Variants in ADGRE1 observed in about 807,000 individuals in gnomAD.
The protein encoded by ADGRE1 is adhesion G protein-coupled receptor E1, also known as EGF-like module receptor 1.
Under a neutral mutation model 102.7 loss-of-function variants are expected in ADGRE1, and 82 were observed. The observed-to-expected ratio is 0.80, with a 90% CI of 0.67 to 0.96. The LOEUF (loss-of-function observed/expected upper bound fraction) is 0.96. Ranked by LOEUF, ADGRE1 falls within the 40% of genes least tolerant of loss-of-function variation. The probability of loss-of-function intolerance (pLI) is 0.00; values close to 1 mark genes in which losing one functional copy is unlikely to be tolerated. For missense variants in ADGRE1, 1,032 were observed against 1,085.3 expected (o/e 0.95, Z 0.69); for synonymous variants, 398 against 399.6 (o/e 1.00, Z 0.05).
At chr19:6,921,686 G>GT (rs3217675) in intron 13 of ADGRE1, 27 bp from the exon 14 acceptor site, 305,594 of 1,536,452 alleles carry the variant, frequency 0.2, 30,771 homozygotes, top group African/African-American at 0.27. Flanking sequence ...GAAGACCTTT[G>GT]TTTTTTTGTT....
At position 6,890,521 on chromosome 19, in the gene ADGRE1, C is replaced by T. The variant is rs997810578; in HGVS notation, c.72C>T (p.Pro24=). The change falls in exon 2 of 21, where the codon CCC becomes CCT. Residue 24 remains proline (P), a synonymous_variant. Coordinates refer to ENST00000312053, the MANE Select transcript of ADGRE1 (RefSeq NM_001974.5). Reference sequence around the variant, plus strand: ...ACAGCTGGGAAGGGCACATAAGACCCACACGGAAACCAAACACAAAGGGTA... The same window carrying T: ...ACAGCTGGGAAGGGCACATAAGACCTACACGGAAACCAAACACAAAGGGTA... ...VMHSWEGHIR[P]TRKPNTKGNN... 1.9e-6 allele frequency: 3 copies of T among 1,612,094 alleles called. No homozygotes were observed. The highest frequency in any genetic ancestry group is 1.7e-4 in the Middle Eastern group (1 of 6,054).
intron 1 of ADGRE1, among the ~76,000 whole-genome samples, chr19:6,888,159 G>A (rs970403313): frequency 6.6e-6 from 1 of 152,196 alleles, no homozygotes; most frequent in Non-Finnish European, 1.5e-5. Context: ...GGTAGAGGCA[G>A]GATTTCAAGC....
intron 9 of ADGRE1, among the ~76,000 whole-genome samples, chr19:6,906,821 C>T (rs575175803): frequency 2.4e-4 from 37 of 151,888 alleles, no homozygotes; most frequent in African/African-American, 7.9e-4. Context: ...GTGAAAAGTA[C>T]GGTCCTTCTC....
At chr19:6,932,869 C>T (rs1975222558) in intron 17 of ADGRE1, among the ~76,000 whole-genome samples, 3 of 152,142 alleles carry the variant, frequency 2.0e-5, no homozygotes, top group East Asian at 3.8e-4. Flanking sequence ...TAGTACAATG[C>T]CAGGCATTGC....
intron 13 of ADGRE1, among the ~76,000 whole-genome samples, chr19:6,920,345 G>A (rs1200630398): frequency 1.3e-5 from 2 of 151,396 alleles, no homozygotes; most frequent in Non-Finnish European, 2.9e-5. Flanking sequence ...TCAGCCTCCC[G>A]AGTAGCTGGG....
intron 5 of ADGRE1, 191 bp downstream of exon 5, chr19:6,897,738 G>A: frequency 2.0e-6 from 1 of 488,558 alleles, no homozygotes; most frequent in Admixed American, 4.3e-5. Context: ...TTACATGCTA[G>A]GTAGGTCTCT....
intron 11 of ADGRE1, among the ~76,000 whole-genome samples, chr19:6,914,818 GTAA>G (rs1974316477): frequency 6.6e-6 from 1 of 152,118 alleles, no homozygotes; most frequent in South Asian, 2.1e-4. Flanking sequence ...CAAGATCAGA[GTAA>G]GTCTCATTGG....
rs1173852914 is a variant in ADGRE1, at chr19:6,924,852, A to T, written c.1966A>T (p.Ile656Leu). The T allele has an allele frequency of 6.9e-5, 111 of 1,613,952 alleles. No individual in the cohort carries two copies. The highest frequency in any genetic ancestry group is 9.2e-5 in the Non-Finnish European group (108 of 1,180,018). Residue 656 changes from isoleucine to leucine, a missense_variant, in exon 15 of 21, where the codon ATA (isoleucine) becomes TTA (leucine). Coordinates refer to ENST00000312053, the MANE Select transcript of ADGRE1 (RefSeq NM_001974.5). ...LLAKTLFLAG[I>L]HKTDNKMGCA... ...GGCGAAGACTCTCTTCCTCGCCGGT[A>T]TACACAAGACTGACAACAAGGTCTA...
chr19:6,938,735 GA>G lies in ADGRE1; in HGVS notation c.2655+1089del, dbSNP rs957059123. ...CAGGATCTCAGTGTTAAGCCTTGCA[GA>G]AGTCCAGTGAGGTAGGTATCACTGC... On this transcript the variant is annotated intron_variant, in intron 20 of 20. Transcript: ENST00000312053. Among the ~76,000 whole-genome samples the G allele has an allele frequency of 2.0e-5, 3 of 151,400 alleles. No homozygotes were observed. The Admixed American group carries it at 2.0e-4, about 10-fold the overall frequency.
chr19:6,927,046 C>T (rs190582593), intron 16 of ADGRE1, among the ~76,000 whole-genome samples: 4 of 145,440 alleles, frequency 2.8e-5, no homozygotes, highest in East Asian at 2.0e-4. Flanking sequence ...GGGACAAGAG[C>T]GAGACTTCAT....
In ADGRE1 at chr19:6,916,241, C is replaced by CT. The variant is rs1974376315; in HGVS notation, c.1301-3dup. The stretch of plus-strand genomic sequence containing the variant: ...GACCTCATACGAACTCTCCCTTTCT[C>CT]TTTTTAGACATTGAGAGCAAAGTTA... On this transcript the variant is annotated splice_region_variant and splice_polypyrimidine_tract_variant and intron_variant, in intron 11 of 20. Coordinates refer to ENST00000312053, the MANE Select transcript of ADGRE1 (RefSeq NM_001974.5). The CT allele has an allele frequency of 6.2e-7, 1 of 1,609,628 alleles. No individual in the cohort carries two copies. Among genetic ancestry groups the CT allele is most frequent in the Admixed American group, 1.7e-5 (1 of 59,554 alleles).
chr19:6,887,644 G>T lies in ADGRE1; in HGVS notation c.31+5G>T, dbSNP rs1366285132. 1 of 1,609,744 alleles carries T rather than the reference G, an allele frequency of 6.2e-7. No individual in the cohort carries two copies. Among genetic ancestry groups the T allele is most frequent in the Admixed American group, 1.7e-5 (1 of 59,198 alleles). On this transcript the variant is annotated splice_donor_5th_base_variant and intron_variant, in intron 1 of 20. Coordinates refer to ENST00000312053, the MANE Select transcript of ADGRE1 (RefSeq NM_001974.5). ...TCAACCTGCTCCTCTTCTGGGGTGA[G>T]TGTGAGGCTGAATGGGGGGCTAGGG... is the stretch of plus-strand genomic sequence containing the variant.
chr19:6,915,492 G>A (rs1974339138), intron 11 of ADGRE1, among the ~76,000 whole-genome samples: 1 of 152,174 alleles, frequency 6.6e-6, no homozygotes, highest in East Asian at 1.9e-4. Flanking sequence ...GAGAGGTTAA[G>A]TCAATGCGCA....
chr19:6,940,033 C>T lies in ADGRE1; in HGVS notation c.*4C>T, dbSNP rs752806916. 43 of 1,613,698 alleles carry T rather than the reference C, an allele frequency of 2.7e-5. No homozygotes were observed. The South Asian group carries it at 4.2e-4, about 16-fold the overall frequency. On this transcript the variant is annotated 3_prime_UTR_variant, in exon 21 of 21. Transcript: ENST00000312053. ...CTTTTCTCTCTCACAGGGTTAAAGT[C>T]CTTTCTTGCTTTCAAATATGCTATG...
chr19:6,913,812 G>A lies in ADGRE1; in HGVS notation c.1282G>A (p.Val428Ile). The A allele has an allele frequency of 6.3e-7, 1 of 1,599,682 alleles. No homozygotes were observed. The highest frequency in any genetic ancestry group is 8.5e-7 in the Non-Finnish European group (1 of 1,171,946). The change falls in exon 11 of 21, where the codon GTT becomes ATT. Residue 428 changes from valine (V) to isoleucine (I), a missense_variant. Physicochemically the swap from Val to Ile is conservative, Grantham distance 29. Coordinates refer to ENST00000312053, the MANE Select transcript of ADGRE1 (RefSeq NM_001974.5). ...ACCCTCAGCAAATATCACTCCGGCT[G>A]TTCGGACGGAATACTTAGGTAGGAG... The part of the protein sequence containing the change: ...WKPSANITPA[V>I]RTEYLDIESK...
At chr19:6,916,131 A>G in intron 11 of ADGRE1, 118 bp from the exon 12 acceptor site, 1 of 1,154,154 alleles carries the variant, frequency 8.7e-7, no homozygotes, top group Non-Finnish European at 1.2e-6. Context: ...GATGAATTGA[A>G]CTTTCTATTC....
chr19:6,920,962 T>C (rs1051323925), intron 13 of ADGRE1, among the ~76,000 whole-genome samples: 1 of 152,140 alleles, frequency 6.6e-6, no homozygotes, highest in African/African-American at 2.4e-5. Flanking sequence ...ACAGCACAGA[T>C]CAAGGCATGT....
Position 6,908,064 on chromosome 19 carries a change from C to T in ADGRE1, c.1039-625C>T, listed in dbSNP as rs533918179. On this transcript the variant is annotated intron_variant, in intron 9 of 20. Coordinates refer to ENST00000312053, the MANE Select transcript of ADGRE1 (RefSeq NM_001974.5). ...CCACACTGGAAGGTTGTGGGTTTAC[C>T]GGAATGAGGGCAAGGAACACCTGCC... Among the ~76,000 whole-genome samples, 23 of 152,316 alleles carry T rather than the reference C, an allele frequency of 1.5e-4. No individual in the cohort carries two copies. In the South Asian group the frequency reaches 1.9e-3, roughly 12 times the overall value.
At position 6,890,448 on chromosome 19, in the gene ADGRE1, G is replaced by A. The variant is rs759127691; in HGVS notation, c.32-33G>A. The A allele has an allele frequency of 9.7e-5, 77 of 791,684 alleles. 2 individuals carry two copies. In the South Asian group the frequency reaches 1.8e-3, roughly 19 times the overall value. The allele number at this position is 791,684 out of a possible 1,614,324, so 49.0% of individuals were successfully genotyped here. ...TTTTTTTTTTTTTTTTTTTTTTGGT[G>A]GTTCATGGTGTTTTTCTTTTCTTTC... On this transcript the variant is annotated intron_variant, in intron 1 of 20. Coordinates refer to ENST00000312053, the MANE Select transcript of ADGRE1 (RefSeq NM_001974.5).
Sources: gnomAD v4.1 joint callset for allele counts (sites outside exome capture counted in the v4.1 genomes callset) on GRCh38, gnomAD v4.1.1 for gene constraint, MANE v1.5 for transcripts, NCBI Gene and HGNC (gene_info 2026-07-23, HGNC 2026-07-21) for gene names.